The following RGS17 variants were observed in gnomAD, a reference collection of about 807,000 sequenced individuals.
RGS17 encodes the protein regulator of G protein signaling 17.
Under a neutral mutation model 25.5 loss-of-function variants are expected in RGS17, and 12 were observed. That is an observed-to-expected ratio of 0.47 (90% confidence interval 0.30 to 0.76). RGS17 has a LOEUF of 0.76. Among genes scored for constraint, RGS17 ranks in the 30% least tolerant of loss-of-function variants. The pLI is 0.07. For synonymous variants in RGS17, 71 were observed against 76.9 expected (o/e 0.92, Z 0.40); for missense variants, 196 against 242.2 (o/e 0.81, Z 1.27).
In RGS17 at chr6:153,130,911, G is replaced by A. The variant is rs1403662870; in HGVS notation, c.-26+213C>T. 6.6e-6 allele frequency among the ~76,000 whole-genome samples: 1 copy of A among 151,874 alleles called. No individual in the cohort carries two copies. The highest frequency in any genetic ancestry group is 1.5e-5 in the Non-Finnish European group (1 of 67,934). ...ACGCGGGATTCAACTTCCCGGACCCGCGGCGCGGCCCCCGCTCCCGCTCAG... is the reference window on the plus strand; with the variant it reads ...ACGCGGGATTCAACTTCCCGGACCCACGGCGCGGCCCCCGCTCCCGCTCAG... On this transcript the variant is annotated intron_variant, in intron 1 of 4. Coordinates refer to ENST00000206262, the MANE Select transcript of RGS17 (RefSeq NM_012419.5). This position sits in a 1 kb window ranked among gnomAD's most constrained non-coding sequence, Gnocchi z 6.4.
chr6:153,124,271 A>T (rs1777675740), intron 1 of RGS17, among the ~76,000 whole-genome samples: 1 of 152,212 alleles, frequency 6.6e-6, no homozygotes. Flanking sequence ...ACGTTTAATT[A>T]ATCTTTGTAT....
chr6:153,031,991 G>T (rs9479484), intron 2 of RGS17, among the ~76,000 whole-genome samples: 12,187 of 152,130 alleles, frequency 0.08, 518 homozygotes, highest in African/African-American at 0.096. Flanking sequence ...GGCTGAGGAG[G>T]GCCATCCTGG....
In RGS17 at chr6:153,130,372, C is replaced by T. The variant is rs542171209; in HGVS notation, c.-26+752G>A. ...TGGGCGTTCCTCGTCCTCGCCCCCT[C>T]GGTGGCTGTGGAATCCACCCCGCGC... On this transcript the variant is annotated intron_variant, in intron 1 of 4. Transcript: ENST00000206262. The surrounding 1 kb of genome is among the most constrained non-coding windows in gnomAD (Gnocchi z 6.4). Among the ~76,000 whole-genome samples the T allele has an allele frequency of 8.5e-5, 13 of 152,186 alleles. No homozygotes were observed. The highest frequency in any genetic ancestry group is 6.5e-4 in the Admixed American group (10 of 15,292).
At chr6:153,044,069 G>T (rs1161438090) in intron 1 of RGS17, 26 bp from the exon 2 acceptor site, 4 of 1,174,112 alleles carry the variant, frequency 3.4e-6, no homozygotes, top group Non-Finnish European at 3.8e-6. Context: ...CAAAAAATTG[G>T]GTATGAAAAA....
At chr6:153,067,471 T>C (rs551945562) in intron 1 of RGS17, among the ~76,000 whole-genome samples, 3 of 152,126 alleles carry the variant, frequency 2.0e-5, no homozygotes, top group East Asian at 1.9e-4. Flanking sequence ...TTGCAGTGTA[T>C]AAAATCAACA....
At chr6:153,054,112 ATGTG>A (rs1397389145) in intron 1 of RGS17, among the ~76,000 whole-genome samples, 2,220 of 68,220 alleles carry the variant, frequency 0.033, 409 homozygotes, top group African/African-American at 0.1. Flanking sequence ...ATATATATAT[ATGTG>A]TATATATATA....
intron 1 of RGS17, among the ~76,000 whole-genome samples, chr6:153,097,524 G>A (rs116427681): frequency 0.012 from 1,803 of 151,864 alleles, 45 homozygotes; most frequent in African/African-American, 0.04. Flanking sequence ...ATGAATTTTA[G>A]GTCCTTTGTG....
chr6:153,108,322 A>G (rs1777415366), intron 1 of RGS17, among the ~76,000 whole-genome samples: 1 of 152,184 alleles, frequency 6.6e-6, no homozygotes, highest in South Asian at 2.1e-4. Context: ...GTTCTGGTAT[A>G]TCTCAAAATT....
intron 1 of RGS17, among the ~76,000 whole-genome samples, chr6:153,064,203 G>A (rs886465252): frequency 9.9e-5 from 15 of 152,178 alleles, no homozygotes; most frequent in African/African-American, 3.4e-4. Context: ...CTATAACATT[G>A]TAACTGTGGT....
At chr6:153,122,556 A>G (rs893813887) in intron 1 of RGS17, among the ~76,000 whole-genome samples, 1 of 152,132 alleles carries the variant, frequency 6.6e-6, no homozygotes, top group African/African-American at 2.4e-5. Flanking sequence ...TGCCAATATT[A>G]TTTACTGATA....
rs571029294 is a variant in RGS17, at chr6:153,031,129, C to G, written c.120-4586G>C. 8.1e-4 allele frequency among the ~76,000 whole-genome samples: 124 copies of G among 152,256 alleles called. 2 individuals are homozygous for G. In the South Asian group the frequency reaches 0.025, roughly 30 times the overall value. On this transcript the variant is annotated intron_variant, in intron 2 of 4. Coordinates refer to ENST00000206262, the MANE Select transcript of RGS17 (RefSeq NM_012419.5). ...GCAGGGCTGGAGCAGGAGAATAAAACAGGCAGCAAAGTATGTGTTATCCAA... is the reference window on the plus strand; with the variant it reads ...GCAGGGCTGGAGCAGGAGAATAAAAGAGGCAGCAAAGTATGTGTTATCCAA...
chr6:153,045,540 G>A (rs953068411), intron 1 of RGS17, among the ~76,000 whole-genome samples: 9 of 152,158 alleles, frequency 5.9e-5, no homozygotes, highest in African/African-American at 2.2e-4. Flanking sequence ...ACTGATAAAA[G>A]AGCTGCTTCA....
At chr6:153,041,039 C>T (rs1425286097) in intron 2 of RGS17, among the ~76,000 whole-genome samples, 2 of 150,676 alleles carry the variant, frequency 1.3e-5, no homozygotes, top group South Asian at 2.1e-4. Flanking sequence ...GTGGCATGCA[C>T]CTGTAGTCCC....
At chr6:153,117,313 C>T (rs1471825632) in intron 1 of RGS17, among the ~76,000 whole-genome samples, 1 of 152,096 alleles carries the variant, frequency 6.6e-6, no homozygotes, top group Non-Finnish European at 1.5e-5. Flanking sequence ...CATTCACTAT[C>T]ATGAAAACAG....
intron 1 of RGS17, among the ~76,000 whole-genome samples, chr6:153,101,749 G>A (rs953211523): frequency 2.0e-5 from 3 of 151,342 alleles, no homozygotes; most frequent in East Asian, 2.0e-4. Context: ...GTGAGTTCTC[G>A]TAAGATCTGG....
At chr6:153,042,000 C>A (rs866081652) in intron 2 of RGS17, among the ~76,000 whole-genome samples, 2 of 152,116 alleles carry the variant, frequency 1.3e-5, no homozygotes, top group Non-Finnish European at 2.9e-5. Flanking sequence ...ATTTTTATTA[C>A]TGGCATTTAA....
At position 153,008,498 on chromosome 6, in the gene RGS17, A is replaced by AT. The variant is rs909976903; in HGVS notation, c.*3075dup. ...CCGAGTAAAGAAGTGCCATCCATCCATTACTGGTGTGATTAATGTACAAGA... is the reference window on the plus strand; with the variant it reads ...CCGAGTAAAGAAGTGCCATCCATCCATTTACTGGTGTGATTAATGTACAAGA... On this transcript the variant is annotated 3_prime_UTR_variant, in exon 5 of 5. Coordinates refer to ENST00000206262, the MANE Select transcript of RGS17 (RefSeq NM_012419.5). The AT allele has an allele frequency of 2.0e-5, 3 of 152,192 alleles. No homozygotes were observed. The highest frequency in any genetic ancestry group is 4.4e-5 in the Non-Finnish European group (3 of 68,034). The allele number at this position is 152,192 out of a possible 1,614,324, so 9.4% of individuals were successfully genotyped here. A position where few individuals can be genotyped will look rare whatever the true frequency, so the allele number is the denominator to read the frequency against.
intron 1 of RGS17, among the ~76,000 whole-genome samples, chr6:153,067,926 AC>A (rs1251913203): frequency 1.3e-5 from 2 of 152,206 alleles, no homozygotes; most frequent in African/African-American, 4.8e-5. Flanking sequence ...AGCTATAGTA[AC>A]CAAAACAGCA....
intron 1 of RGS17, among the ~76,000 whole-genome samples, chr6:153,125,421 A>C (rs1012844353): frequency 2.0e-5 from 3 of 152,250 alleles, no homozygotes; most frequent in African/African-American, 7.2e-5. Context: ...AATAAATAGT[A>C]GAGTAAAAAT....
Sources: allele counts gnomAD v4.1 joint callset (sites outside exome capture counted in the v4.1 genomes callset), GRCh38; gene constraint gnomAD v4.1.1; non-coding constraint Gnocchi (gnomAD v3.1); transcripts MANE v1.5; gene names NCBI Gene and HGNC (gene_info 2026-07-23, HGNC 2026-07-21).